SLC24A2: variants seen among roughly 807,000 people sequenced by gnomAD.
SLC24A2 encodes solute carrier family 24 member 2.
A neutral mutation model predicts 62.0 loss-of-function variants in SLC24A2; 36 were observed. The observed-to-expected ratio is 0.58, with a 90% CI of 0.44 to 0.77. The LOEUF (loss-of-function observed/expected upper bound fraction) is 0.77. Ranked by LOEUF, SLC24A2 falls within the 30% of genes least tolerant of loss-of-function variation. SLC24A2 has a pLI of 0.00. For missense variants in SLC24A2, 846 were observed against 817.9 expected, an observed-to-expected ratio of 1.03 and a Z score of -0.42; for synonymous variants, 358 against 294.0, an observed-to-expected ratio of 1.22 and a Z score of -2.23.
At chr9:20,232,552 G>C in the SLC24A2 span, among the ~76,000 whole-genome samples, 17 of 152,266 alleles carry the variant, frequency 1.1e-4, no homozygotes, top group African/African-American at 3.9e-4. Flanking sequence ...TCTGATGGTA[G>C]TTTGTATTTC....
At chr9:20,192,029 A>G in the SLC24A2 span, among the ~76,000 whole-genome samples, 1 of 152,306 alleles carries the variant, frequency 6.6e-6, no homozygotes, top group African/African-American at 2.4e-5. Flanking sequence ...GGAGAGGTGC[A>G]GATCAGTTGC....
intron 2 of SLC24A2, among the ~76,000 whole-genome samples, chr9:19,785,140 A>G (rs866312471): frequency 6.6e-6 from 1 of 152,228 alleles, no homozygotes; most frequent in Non-Finnish European, 1.5e-5. Context: ...TTTGTCCACT[A>G]TTTAAAAAAA....
intron 4 of SLC24A2, among the ~76,000 whole-genome samples, chr9:19,607,547 C>T (rs990636567): frequency 3.3e-5 from 5 of 151,822 alleles, no homozygotes; most frequent in East Asian, 1.9e-4. Context: ...TGGCGAAACC[C>T]GTCTCTACTA....
At chr9:19,977,306 C>G in the SLC24A2 span, among the ~76,000 whole-genome samples, 1 of 152,086 alleles carries the variant, frequency 6.6e-6, no homozygotes, top group Non-Finnish European at 1.5e-5. Context: ...AATGCACAGA[C>G]ATTTCAATGA....
In SLC24A2 at chr9:19,562,621, T is replaced by TA. The variant is rs1376452451; in HGVS notation, c.1347+10729dup. Among the ~76,000 whole-genome samples the TA allele has an allele frequency of 1.3e-4, 20 of 152,224 alleles. No individual in the cohort carries two copies. The South Asian group carries it at 3.1e-3, about 24-fold the overall frequency. On this transcript the variant is annotated intron_variant, in intron 7 of 10. Coordinates refer to ENST00000341998, the MANE Select transcript of SLC24A2 (RefSeq NM_020344.4). ...ACAGGAACTGGACCCCAGTTTTTCC[T>TA]AAAAAAATATGTATGTACAGATGAC...
At chr9:19,925,743 G>T in the SLC24A2 span, among the ~76,000 whole-genome samples, 2 of 152,170 alleles carry the variant, frequency 1.3e-5, no homozygotes, top group African/African-American at 2.4e-5. Context: ...ATGTGACAGG[G>T]TTCCTTCTCT....
the SLC24A2 span, among the ~76,000 whole-genome samples, chr9:19,900,449 G>T: frequency 6.6e-6 from 1 of 152,218 alleles, no homozygotes; most frequent in East Asian, 1.9e-4. Flanking sequence ...GCCTATTATT[G>T]GTGGACTCCA....
chr9:19,932,150 GAACCATAGGAGAAAAAGGA>G, the SLC24A2 span, among the ~76,000 whole-genome samples: 75 of 152,160 alleles, frequency 4.9e-4, no homozygotes, highest in Non-Finnish European at 8.8e-4. Flanking sequence ...AAATAGTACC[GAACCATAGGAGAAAAAGGA>G]AACCATTTAA....
intron 2 of SLC24A2, among the ~76,000 whole-genome samples, chr9:19,745,584 T>A (rs2118786229): frequency 6.6e-6 from 1 of 152,266 alleles, no homozygotes; most frequent in East Asian, 1.9e-4. Context: ...GCTGCAAGTT[T>A]CAGAACCACT....
the SLC24A2 span, among the ~76,000 whole-genome samples, chr9:19,836,129 G>A: frequency 6.6e-6 from 1 of 152,086 alleles, no homozygotes; most frequent in Non-Finnish European, 1.5e-5. Flanking sequence ...AAGCAGGAAA[G>A]ATCTAAAATT....
rs541320682 is a variant in SLC24A2, at chr9:19,508,353, C to T, written c.*7800G>A. On this transcript the variant is annotated 3_prime_UTR_variant, in exon 11 of 11. Coordinates refer to ENST00000341998, the MANE Select transcript of SLC24A2 (RefSeq NM_020344.4). ...CTGGCCCTTGGTTCAGATACCCTTTCTTTAGGGCAATTTGGCCACTTAAGC... is the reference window on the plus strand; with the variant it reads ...CTGGCCCTTGGTTCAGATACCCTTTTTTTAGGGCAATTTGGCCACTTAAGC... The T allele has an allele frequency of 6.6e-6, 1 of 152,236 alleles. No individual in the cohort carries two copies. The highest frequency in any genetic ancestry group is 1.9e-4 in the East Asian group (1 of 5,184). The allele number at this position is 152,236 out of a possible 1,614,324, so 9.4% of individuals were successfully genotyped here.
the SLC24A2 span, among the ~76,000 whole-genome samples, chr9:19,947,848 G>GAAATAAATAAATAAAT: frequency 6.9e-6 from 1 of 145,340 alleles, no homozygotes; most frequent in Non-Finnish European, 1.5e-5. Flanking sequence ...AAGAAAGAAA[G>GAAATAAATAAATAAAT]AAATTAGTTC....
chr9:20,159,270 C>T, the SLC24A2 span, among the ~76,000 whole-genome samples: 2 of 151,582 alleles, frequency 1.3e-5, no homozygotes, highest in African/African-American at 2.4e-5. Flanking sequence ...ATTAACGCCC[C>T]TCTTAGGAGC....
chr9:20,073,691 T>A, the SLC24A2 span, among the ~76,000 whole-genome samples: 3 of 152,070 alleles, frequency 2.0e-5, no homozygotes, highest in Non-Finnish European at 4.4e-5. Flanking sequence ...CATTCACCAT[T>A]TCCATTTTTT....
chr9:20,293,011 C>T, the SLC24A2 span, among the ~76,000 whole-genome samples: 1 of 152,198 alleles, frequency 6.6e-6, no homozygotes, highest in Non-Finnish European at 1.5e-5. Context: ...GGTTTGCTGG[C>T]AATCTTTGGC....
the SLC24A2 span, among the ~76,000 whole-genome samples, chr9:20,142,353 T>A: frequency 6.6e-6 from 1 of 152,118 alleles, no homozygotes. Flanking sequence ...AAATTTGTGT[T>A]ACGTATTTTT....
the SLC24A2 span, among the ~76,000 whole-genome samples, chr9:19,823,297 TTGTGTGTGTGTG>T: frequency 5.7e-4 from 86 of 150,238 alleles, no homozygotes; most frequent in African/African-American, 1.9e-3. Context: ...TGTATTAACA[TTGTGTGTGTGTG>T]TGTGTGTGTG....
At chr9:20,010,375 C>G in the SLC24A2 span, among the ~76,000 whole-genome samples, 1 of 152,012 alleles carries the variant, frequency 6.6e-6, no homozygotes, top group Admixed American at 6.6e-5. Flanking sequence ...CCAAAAGAAA[C>G]TAATAAAGCT....
At chr9:19,982,096 G>T in the SLC24A2 span, among the ~76,000 whole-genome samples, 2 of 152,120 alleles carry the variant, frequency 1.3e-5, no homozygotes, top group African/African-American at 4.8e-5. Flanking sequence ...CTCTGGCTAG[G>T]GGGAGGAGAA....
Sources: gnomAD v4.1 joint callset for allele counts (sites outside exome capture counted in the v4.1 genomes callset) on GRCh38, gnomAD v4.1.1 for gene constraint, MANE v1.5 for transcripts, NCBI Gene and HGNC (gene_info 2026-07-23, HGNC 2026-07-21) for gene names.